The following LRP1 variants were observed in gnomAD, a reference collection of about 807,000 sequenced individuals.
LRP1 encodes the protein prolow-density lipoprotein receptor-related protein 1.
Under a neutral mutation model 541.5 loss-of-function variants are expected in LRP1, and 51 were observed. That is an observed-to-expected ratio of 0.09 (90% CI 0.08 to 0.12). LRP1 has a LOEUF of 0.12. Among genes scored for constraint, LRP1 ranks in the 10% least tolerant of loss-of-function variants. The pLI is 1.00. For synonymous variants in LRP1, 2,219 were observed against 2,470.8 expected (o/e 0.90, Z 3.02); for missense variants, 3,878 against 6,376.2 (o/e 0.61, Z 13.34).
rs2035577621 is a variant in LRP1 at position 57,154,238 on chromosome 12, C to G, written c.872C>G (p.Thr291Arg). The G allele has an allele frequency of 6.2e-7, 1 of 1,614,018 alleles. No individual in the cohort carries two copies. The highest frequency in any genetic ancestry group is 1.7e-5 in the Admixed American group (1 of 60,014). Residue 291 changes from threonine (T) to arginine (R), a missense_variant, in exon 7 of 89, where the codon ACA (threonine) becomes AGA (arginine). This residue lies in a region of LRP1 where 293 missense variants were observed against 403.7 expected (regional missense o/e 0.73). Transcript: ENST00000243077. The surrounding 1 kb of genome is among the most constrained non-coding windows in gnomAD (Gnocchi z 4.6). Reference protein sequence around the residue: ...HVEQMAIDWLTGNFYFVDDID... With the variant: ...HVEQMAIDWLRGNFYFVDDID... The stretch of plus-strand genomic sequence containing the variant: ...GAACAGATGGCCATCGACTGGCTGA[C>G]AGGCAACTTCTACTTTGTGGATGAC...
chr12:57,184,934 C>T lies in LRP1; in HGVS notation c.6282C>T (p.Asn2094=), dbSNP rs1201228199. The change falls in exon 39 of 89, where the codon AAC becomes AAT. Residue 2094 remains asparagine, a synonymous_variant. Transcript: ENST00000243077. This position sits in a 1 kb window ranked among gnomAD's most constrained non-coding sequence, Gnocchi z 7.8. ...GENREVVLSS[N]NMDMFSVSVF... ...ACCGCGAGGTGGTTCTGTCCAGCAA[C>T]AACATGGACATGTTTTCAGTGTCTG... The T allele has an allele frequency of 6.2e-7, 1 of 1,614,162 alleles. No homozygotes were observed. Among genetic ancestry groups the T allele is most frequent in the Non-Finnish European group, 8.5e-7 (1 of 1,180,006 alleles).
chr12:57,156,205 A>G lies in LRP1; in HGVS notation c.1339A>G (p.Ser447Gly). The change falls in exon 9 of 89, where the codon AGC becomes GGC. Residue 447 changes from serine (S) to glycine (G), a missense_variant. Ser to Gly is a moderately conservative substitution (Grantham distance 56, BLOSUM62 0). Transcript: ENST00000243077. This position sits in a 1 kb window ranked among gnomAD's most constrained non-coding sequence, Gnocchi z 5.2. ...TSVIRVNRFN[S>G]TEYQVVTRVD... ...TGTGATCCGTGTGAACCGCTTTAAC[A>G]GCACCGAGTACCAGGTTGTCACCCG... 6.2e-7 allele frequency: 1 copy of G among 1,614,140 alleles called. No individual in the cohort carries two copies. The highest frequency in any genetic ancestry group is 8.5e-7 in the Non-Finnish European group (1 of 1,180,020).
Position 57,138,720 on chromosome 12 carries a change from A to G in LRP1, c.190+139A>G, listed in dbSNP as rs1023641226. 6 of 1,232,818 alleles carry G rather than the reference A, an allele frequency of 4.9e-6. 1 individual carries two copies. The highest frequency in any genetic ancestry group is 6.8e-6 in the Non-Finnish European group (6 of 886,494). 76.4% of individuals were successfully genotyped at this position (1,232,818 alleles called of 1,614,324 possible). On this transcript the variant is annotated intron_variant, in intron 2 of 88. Transcript: ENST00000243077. Reference sequence around the variant, plus strand: ...GATTGTATTTGTCCATGACACAGCTAAAACTGTCCTTTACACCCCTTCAAA... The same window carrying G: ...GATTGTATTTGTCCATGACACAGCTGAAACTGTCCTTTACACCCCTTCAAA...
At chr12:57,143,257 C>T (rs2035333588) in intron 3 of LRP1, among the ~76,000 whole-genome samples, 1 of 152,166 alleles carries the variant, frequency 6.6e-6, no homozygotes, top group Non-Finnish European at 1.5e-5. Context: ...CCTGTGGGGA[C>T]AGACACGATT....
In LRP1 at chr12:57,210,014, C is replaced by A; in HGVS notation, c.12440-15C>A. 6.3e-7 allele frequency: 1 copy of A among 1,595,122 alleles called. No homozygotes were observed. The highest frequency in any genetic ancestry group is 8.6e-7 in the Non-Finnish European group (1 of 1,169,104). On this transcript the variant is annotated splice_polypyrimidine_tract_variant and intron_variant, in intron 80 of 88. Transcript: ENST00000243077. ...GTCCTGCTCAGCATCCTCCCCACCC[C>A]ACCCATACCTGCAGTGACCAACCCA...
chr12:57,202,357 C>A, intron 67 of LRP1, 64 bp from the exon 68 acceptor site: 1 of 1,298,220 alleles, frequency 7.7e-7, no homozygotes, highest in Non-Finnish European at 1.1e-6. Context: ...CTGACCATGC[C>A]TGCTTGGACC....
chr12:57,168,759 C>T (rs893410093), intron 19 of LRP1, among the ~76,000 whole-genome samples: 2 of 152,204 alleles, frequency 1.3e-5, no homozygotes, highest in Non-Finnish European at 2.9e-5. Flanking sequence ...TGTCTCAAGC[C>T]GGCCACGCCT....
intron 76 of LRP1, among the ~76,000 whole-genome samples, chr12:57,207,281 A>AATAG (rs1565755819): frequency 1.5e-5 from 2 of 136,244 alleles, no homozygotes; most frequent in Admixed American, 7.9e-5. Context: ...TAAATAAATA[A>AATAG]ATAGAGACTC....
chr12:57,143,841 A>T, intron 4 of LRP1, 43 bp downstream of exon 4: 1 of 1,579,342 alleles, frequency 6.3e-7, no homozygotes, highest in Middle Eastern at 1.7e-4. Flanking sequence ...GTGTGCCAGT[A>T]GCCAGTTGAG....
rs753153823 is a variant in LRP1 at position 57,192,831 on chromosome 12, C to T, written c.7430-14C>T. On this transcript the variant is annotated splice_polypyrimidine_tract_variant and intron_variant, in intron 44 of 88. Coordinates refer to ENST00000243077, the MANE Select transcript of LRP1 (RefSeq NM_002332.3). ...AACACTCTCCAGCCCTGCGCCCACCCTGTCCCTGCTCAGGTGAACTCTCTC... is the reference window on the plus strand; with the variant it reads ...AACACTCTCCAGCCCTGCGCCCACCTTGTCCCTGCTCAGGTGAACTCTCTC... 6 of 1,613,910 alleles carry T rather than the reference C, an allele frequency of 3.7e-6. No individual in the cohort carries two copies. In the African/African-American group the frequency reaches 8.0e-5, roughly 22 times the overall value.
chr12:57,209,088 G>A lies in LRP1; in HGVS notation c.12151G>A (p.Ala4051Thr). 6.2e-7 allele frequency: 1 copy of A among 1,612,720 alleles called. No individual in the cohort carries two copies. Among genetic ancestry groups the A allele is most frequent in the Non-Finnish European group, 8.5e-7 (1 of 1,178,856 alleles). Residue 4051 changes from alanine (A) to threonine (T), a missense_variant, in exon 79 of 89, where the codon GCC becomes ACC. This residue lies in a region of LRP1 where 871 missense variants were observed against 1,212.4 expected (regional missense o/e 0.72). Transcript: ENST00000243077. ...QDNIQWPTGL[A>T]VDYHNERLYW... ...AGTGCTCTCTCTCTCCCCAGGCCTG[G>A]CCGTGGATTATCACAATGAGCGGCT... is the stretch of plus-strand genomic sequence containing the variant.
Position 57,206,005 on chromosome 12 carries a change from T to C in LRP1, c.11590+328T>C, listed in dbSNP as rs1302202380. ...CTCACCTGCACATTCCCCACATGCT[T>C]TGATGCCCACCTTGCCTTCCACATG... On this transcript the variant is annotated intron_variant, in intron 75 of 88. Coordinates refer to ENST00000243077, the MANE Select transcript of LRP1 (RefSeq NM_002332.3). This position sits in a 1 kb window ranked among gnomAD's most constrained non-coding sequence, Gnocchi z 4.7. Among the ~76,000 whole-genome samples, 1 of 152,136 alleles carries C rather than the reference T, an allele frequency of 6.6e-6. No individual in the cohort carries two copies. Among genetic ancestry groups the C allele is most frequent in the Non-Finnish European group, 1.5e-5 (1 of 68,014 alleles).
At chr12:57,161,206 T>A in intron 13 of LRP1, 91 bp downstream of exon 13, 1 of 1,226,898 alleles carries the variant, frequency 8.2e-7, no homozygotes, top group East Asian at 2.3e-5. Context: ...TATGTGGGTA[T>A]CTGTGTGTGT....
chr12:57,184,539 T>G lies in LRP1; in HGVS notation c.6186+87T>G. ...TGTGATGAGCCCATTCTGGGAGGAC[T>G]TGGAGCCCAGGGGAAGTCACAGGGT... On this transcript the variant is annotated intron_variant, in intron 38 of 88. Coordinates refer to ENST00000243077, the MANE Select transcript of LRP1 (RefSeq NM_002332.3). The surrounding 1 kb of genome is among the most constrained non-coding windows in gnomAD (Gnocchi z 7.8). The G allele has an allele frequency of 6.4e-7, 1 of 1,559,736 alleles. No individual in the cohort carries two copies. The highest frequency in any genetic ancestry group is 1.2e-5 in the South Asian group (1 of 84,184).
At chr12:57,161,806 T>C (rs939722115) in intron 13 of LRP1, among the ~76,000 whole-genome samples, 1 of 152,114 alleles carries the variant, frequency 6.6e-6, no homozygotes, top group East Asian at 1.9e-4. Context: ...TCCAGACCCC[T>C]CTTCACACTG....
Position 57,183,380 on chromosome 12 carries a change from C to A in LRP1, c.5664C>A (p.Gly1888=). 1 of 1,601,908 alleles carries A rather than the reference C, an allele frequency of 6.2e-7. No homozygotes were observed. The highest frequency in any genetic ancestry group is 8.5e-7 in the Non-Finnish European group (1 of 1,170,350). The change falls in exon 35 of 89, where the codon GGC becomes GGA. Residue 1888 remains glycine (G), a splice_region_variant and synonymous_variant. Coordinates refer to ENST00000243077, the MANE Select transcript of LRP1 (RefSeq NM_002332.3). This position sits in a 1 kb window ranked among gnomAD's most constrained non-coding sequence, Gnocchi z 6.1. The part of the protein sequence containing the change: ...SLRSGQQACE[G]VGSFLLYSVH... ...GCCTTAAGTTTCCTTGTCTTTCAGG[C>A]GTAGGTTCCTTTCTCCTGTACTCTG...
At position 57,128,973 on chromosome 12, in the gene LRP1, C is replaced by G. The variant is rs776210642; in HGVS notation, c.9C>G (p.Thr3=). Residue 3 remains threonine, a synonymous_variant, in exon 1 of 89, where the codon ACC becomes ACG. Coordinates refer to ENST00000243077, the MANE Select transcript of LRP1 (RefSeq NM_002332.3). ...TTGCATCAGCCCACACCATGCTGAC[C>G]CCGCCGTTGCTCCTGCTGCTGCCCC... ML[T]PPLLLLLPLL... 2.6e-6 allele frequency: 4 copies of G among 1,550,938 alleles called. No homozygotes were observed. Among genetic ancestry groups the G allele is most frequent in the South Asian group, 1.2e-5 (1 of 83,974 alleles).
In LRP1 at chr12:57,197,644, C is replaced by T; in HGVS notation, c.9262C>T (p.Leu3088Phe). Reference protein sequence around the residue: ...TQGSMIRRMHLNGSNVQVLHR... With the variant: ...TQGSMIRRMHFNGSNVQVLHR... ...GGGCAGCATGATCCGAAGGATGCAC[C>T]TTAACGGGAGCAATGTGCAGGTGAG... is the stretch of plus-strand genomic sequence containing the variant. The change falls in exon 58 of 89, where the codon CTT becomes TTT. Residue 3088 changes from leucine to phenylalanine, a missense_variant. This residue lies in a region of LRP1 where 1,100 missense variants were observed against 1,827.4 expected (regional missense o/e 0.60). Transcript: ENST00000243077. The surrounding 1 kb of genome is among the most constrained non-coding windows in gnomAD (Gnocchi z 4.5). 1.2e-6 allele frequency: 2 copies of T among 1,614,030 alleles called. No individual in the cohort carries two copies. The highest frequency in any genetic ancestry group is 8.5e-7 in the Non-Finnish European group (1 of 1,180,002).
intron 20 of LRP1, among the ~76,000 whole-genome samples, chr12:57,172,585 A>C (rs1426925720): frequency 6.6e-6 from 1 of 152,104 alleles, no homozygotes; most frequent in South Asian, 2.1e-4. Context: ...CTCGCTCTTC[A>C]TGCAGGCCTC....
Sources: gnomAD v4.1 joint callset for allele counts (sites outside exome capture counted in the v4.1 genomes callset) on GRCh38, gnomAD v4.1.1 for gene constraint, gnomAD v4.1.1 regional missense constraint, Gnocchi (gnomAD v3.1) non-coding constraint, MANE v1.5 for transcripts, NCBI Gene and HGNC (gene_info 2026-07-23, HGNC 2026-07-21) for gene names.